SNX29: variants seen among roughly 807,000 people sequenced by gnomAD.
SNX29 encodes the protein sorting nexin 29.
In SNX29, 78 loss-of-function variants were observed where a neutral mutation model predicts 102.1. The ratio of observed to expected loss-of-function variants is 0.76; its 90% CI spans 0.64 to 0.92. SNX29 has a LOEUF of 0.92. Ranked by LOEUF, SNX29 falls within the 40% of genes least tolerant of loss-of-function variation. The probability of loss-of-function intolerance (pLI) is 0.00; values close to 1 mark genes in which losing one functional copy is unlikely to be tolerated. For synonymous variants in SNX29, 580 were observed against 414.5 expected (o/e 1.40, Z -4.85); for missense variants, 1,280 against 1,061.7 (o/e 1.21, Z -2.86).
intron 1 of SNX29, among the ~76,000 whole-genome samples, chr16:11,995,858 A>G (rs975249155): frequency 1.3e-5 from 2 of 151,874 alleles, no homozygotes; most frequent in African/African-American, 4.8e-5. Flanking sequence ...TCAGGAGTTT[A>G]AGACCAGCCT....
At chr16:12,553,268 C>T (rs1434518705) in intron 20 of SNX29, among the ~76,000 whole-genome samples, 5 of 152,210 alleles carry the variant, frequency 3.3e-5, no homozygotes, top group African/African-American at 1.2e-4. Context: ...CCACTGCCGC[C>T]TAGGGGCACA....
chr16:12,269,847 C>CATT (rs1308057391), intron 14 of SNX29, among the ~76,000 whole-genome samples: 1 of 111,448 alleles, frequency 9.0e-6, no homozygotes, highest in Non-Finnish European at 2.0e-5. Context: ...CCATCATCAT[C>CATT]ATCATCATCA....
intron 4 of SNX29, among the ~76,000 whole-genome samples, chr16:12,032,638 G>C (rs1248333633): frequency 6.6e-6 from 1 of 152,048 alleles, no homozygotes; most frequent in East Asian, 1.9e-4. Context: ...TGAATATGAA[G>C]ATACAAATAC....
At chr16:12,222,776 C>T (rs904331013) in intron 14 of SNX29, among the ~76,000 whole-genome samples, 1 of 152,132 alleles carries the variant, frequency 6.6e-6, no homozygotes. Flanking sequence ...GCCATGTTGG[C>T]CAGTCTGTTC....
intron 18 of SNX29, among the ~76,000 whole-genome samples, chr16:12,477,408 A>G (rs545353340): frequency 1.4e-4 from 21 of 152,328 alleles, no homozygotes; most frequent in African/African-American, 3.4e-4. Context: ...TAGTGCTGCA[A>G]TACACACATG....
intron 11 of SNX29, among the ~76,000 whole-genome samples, chr16:12,095,911 C>G (rs1408067754): frequency 6.6e-6 from 1 of 152,216 alleles, no homozygotes; most frequent in South Asian, 2.1e-4. Context: ...AAGAGATTCT[C>G]AACGCTAGTG....
At chr16:12,245,143 T>G (rs943232522) in intron 14 of SNX29, among the ~76,000 whole-genome samples, 1 of 152,180 alleles carries the variant, frequency 6.6e-6, no homozygotes, top group Admixed American at 6.5e-5. Flanking sequence ...TTTTTGTTGT[T>G]GGATTCCTTA....
intron 13 of SNX29, among the ~76,000 whole-genome samples, chr16:12,198,909 T>A (rs1036134054): frequency 6.6e-6 from 1 of 152,214 alleles, no homozygotes; most frequent in African/African-American, 2.4e-5. Flanking sequence ...ACTCAACAAA[T>A]GGCAGTTTTT....
At chr16:12,237,134 C>A (rs376828776) in intron 14 of SNX29, among the ~76,000 whole-genome samples, 2 of 152,282 alleles carry the variant, frequency 1.3e-5, no homozygotes, top group East Asian at 3.9e-4. Context: ...AGATGCCGTG[C>A]CCCAGTCTCC....
intron 1 of SNX29, chr16:11,977,630 C>T (rs1255445103): frequency 2.6e-5 from 4 of 152,620 alleles, no homozygotes; most frequent in African/African-American, 9.6e-5. Context: ...GTCCAAACTT[C>T]TTCCTCTCAC....
intron 13 of SNX29, among the ~76,000 whole-genome samples, chr16:12,156,101 T>C (rs1372313943): frequency 6.6e-6 from 1 of 152,104 alleles, no homozygotes; most frequent in Non-Finnish European, 1.5e-5. Context: ...AAGCCTTGGC[T>C]CTAACGTTTC....
At chr16:12,219,364 A>G (rs1256845835) in intron 14 of SNX29, among the ~76,000 whole-genome samples, 2 of 152,026 alleles carry the variant, frequency 1.3e-5, no homozygotes, top group African/African-American at 2.4e-5. Flanking sequence ...ATATGTGTAT[A>G]TAGTCATTGA....
intron 15 of SNX29, among the ~76,000 whole-genome samples, chr16:12,296,775 A>G (rs2079995700): frequency 6.6e-6 from 1 of 152,236 alleles, no homozygotes; most frequent in Non-Finnish European, 1.5e-5. Flanking sequence ...TTTACTGCTC[A>G]TAAACACTTT....
intron 15 of SNX29, among the ~76,000 whole-genome samples, chr16:12,334,242 C>G (rs932586940): frequency 6.6e-6 from 1 of 152,116 alleles, no homozygotes; most frequent in Non-Finnish European, 1.5e-5. Flanking sequence ...TGAAACAAAG[C>G]ACACCGCCAA....
chr16:12,545,197 AAAGG>A (rs1226495253), intron 20 of SNX29, among the ~76,000 whole-genome samples: 3 of 152,200 alleles, frequency 2.0e-5, no homozygotes, highest in African/African-American at 4.8e-5. Context: ...TCAATACAAA[AAAGG>A]AAGGGGTGGG....
intron 20 of SNX29, among the ~76,000 whole-genome samples, chr16:12,557,016 C>CAG (rs1555458246): frequency 1.7e-4 from 2 of 11,914 alleles, no homozygotes; most frequent in Non-Finnish European, 2.8e-4. Context: ...GGCTAATTTA[C>CAG]CCCCCCCCCG....
chr16:12,050,878 A>AT (rs530304484), intron 7 of SNX29, among the ~76,000 whole-genome samples: 2,115 of 144,932 alleles, frequency 0.015, 41 homozygotes, highest in African/African-American at 0.04. Context: ...CGCCCAACTA[A>AT]TTTTTTTTTT....
chr16:12,024,318 A>AT (rs996841925), intron 3 of SNX29, among the ~76,000 whole-genome samples: 6 of 151,496 alleles, frequency 4.0e-5, no homozygotes, highest in East Asian at 1.9e-4. Flanking sequence ...TTATATATAT[A>AT]TTTTTTTAGT....
At chr16:12,531,680 G>A (rs1427010015) in intron 20 of SNX29, among the ~76,000 whole-genome samples, 2 of 152,168 alleles carry the variant, frequency 1.3e-5, no homozygotes, top group Non-Finnish European at 2.9e-5. Flanking sequence ...CTGAATATCT[G>A]GGTGCAGAGA....
Sources: allele counts gnomAD v4.1 joint callset (sites outside exome capture counted in the v4.1 genomes callset), GRCh38; gene constraint gnomAD v4.1.1; transcripts MANE v1.5; gene names NCBI Gene and HGNC (gene_info 2026-07-23, HGNC 2026-07-21).